Variants in ERCC6L2 observed in about 807,000 individuals in gnomAD.
The protein encoded by ERCC6L2 is ERCC excision repair 6 like 2, also known as DNA excision repair protein ERCC-6-like 2.
ERCC6L2 carries 77 observed loss-of-function variants against 132.0 expected under a neutral mutation model. The ratio of observed to expected loss-of-function variants is 0.58; its 90% CI spans 0.49 to 0.71. The LOEUF (loss-of-function observed/expected upper bound fraction) is 0.71. ERCC6L2 is among the 30% of genes least tolerant of loss of function. The probability of loss-of-function intolerance (pLI) is 0.00; values close to 1 mark genes in which losing one functional copy is unlikely to be tolerated. For synonymous variants in ERCC6L2, 583 were observed against 632.4 expected (o/e 0.92, Z 1.17); for missense variants, 1,542 against 1,837.6 (o/e 0.84, Z 2.94).
chr9:95,947,406 T>A (rs1831114543), intron 12 of ERCC6L2, among the ~76,000 whole-genome samples: 1 of 152,202 alleles, frequency 6.6e-6, no homozygotes, highest in African/African-American at 2.4e-5. Context: ...AAGAAAAGTT[T>A]GAAGCTGCAG....
intron 12 of ERCC6L2, among the ~76,000 whole-genome samples, chr9:95,951,226 T>C (rs2132949445): frequency 6.6e-6 from 1 of 152,174 alleles, no homozygotes; most frequent in South Asian, 2.1e-4. Context: ...ACAAAAGGGT[T>C]GAAGAAGAAT....
intron 18 of ERCC6L2, among the ~76,000 whole-genome samples, chr9:96,005,972 CAGAGTGG>C (rs1833849622): frequency 6.6e-6 from 1 of 152,104 alleles, no homozygotes; most frequent in Non-Finnish European, 1.5e-5. Context: ...TTTTGAGCAA[CAGAGTGG>C]AGGTACTGAA....
Position 95,955,928 on chromosome 9 carries a change from G to A in ERCC6L2, c.1862G>A (p.Gly621Glu). Residue 621 changes from glycine to glutamate, a missense_variant, in exon 13 of 19, where the codon GGA (glycine) becomes GAA (glutamate). By Grantham distance (98) the Gly-to-Glu change is moderately conservative. Coordinates refer to ENST00000653738, the MANE Select transcript of ERCC6L2 (RefSeq NM_020207.7). ...TCCTTTTACAGAGCATATAGGATTG[G>A]ACAATGTAGAGATGTCAAAGTGCTT... Reference protein sequence around the residue: ...LQAIDRAYRIGQCRDVKVLRL... With the variant: ...LQAIDRAYRIEQCRDVKVLRL... 6.2e-7 allele frequency: 1 copy of A among 1,600,132 alleles called. No homozygotes were observed. The highest frequency in any genetic ancestry group is 8.5e-7 in the Non-Finnish European group (1 of 1,173,512).
Position 95,916,233 on chromosome 9 carries a change from G to T in ERCC6L2, c.957G>T (p.Val319=), listed in dbSNP as rs1444418133. ...KELWCVMDWA[V]PGLLGSGTYF... is the part of the protein sequence containing the mutation. ...TCTTATTGTCTTTATAAAGGGCTGT[G>T]CCAGGCCTTTTAGGGAGTGGGACCT... The change falls in exon 6 of 19, where the codon GTG becomes GTT. Residue 319 remains valine (V), a synonymous_variant. Transcript: ENST00000653738. 1.2e-6 allele frequency: 2 copies of T among 1,613,746 alleles called. No individual in the cohort carries two copies. The highest frequency in any genetic ancestry group is 1.7e-6 in the Non-Finnish European group (2 of 1,179,800).
intron 12 of ERCC6L2, among the ~76,000 whole-genome samples, chr9:95,951,755 G>GA (rs148643555): frequency 0.32 from 49,120 of 151,880 alleles, 8,436 homozygotes; most frequent in African/African-American, 0.42. Context: ...TGAAGACATA[G>GA]AAACCTGAAT....
intron 17 of ERCC6L2, among the ~76,000 whole-genome samples, chr9:95,978,758 A>G (rs1832774625): frequency 6.6e-6 from 1 of 152,202 alleles, no homozygotes; most frequent in East Asian, 1.9e-4. Context: ...TTTTTAAAAA[A>G]TATTTTCTTG....
intron 12 of ERCC6L2, chr9:95,954,947 A>T: frequency 2.1e-6 from 1 of 465,340 alleles, no homozygotes; most frequent in Non-Finnish European, 4.5e-6. Flanking sequence ...GAGAACATCA[A>T]ATGTAACATA....
intron 6 of ERCC6L2, 63 bp downstream of exon 6, chr9:95,916,497 A>C: frequency 7.4e-7 from 1 of 1,345,976 alleles, no homozygotes. Context: ...CTTTTTAAGA[A>C]AAAGTCTGTC....
At chr9:95,880,732 C>A in intron 1 of ERCC6L2, 137 bp from the exon 2 acceptor site, 1 of 644,116 alleles carries the variant, frequency 1.6e-6, no homozygotes, top group Non-Finnish European at 2.6e-6. Context: ...AATATCTATA[C>A]ATGTTAGAAT....
chr9:96,028,252 C>G (rs1834409259), intron 19 of ERCC6L2, among the ~76,000 whole-genome samples: 1 of 152,056 alleles, frequency 6.6e-6, no homozygotes, highest in Non-Finnish European at 1.5e-5. Context: ...CCCCTCTGTT[C>G]ACTTGGCTTT....
chr9:95,957,870 G>GT (rs1160020276), intron 13 of ERCC6L2, among the ~76,000 whole-genome samples: 142 of 147,690 alleles, frequency 9.6e-4, no homozygotes, highest in African/African-American at 3.5e-3. Context: ...CAAAAATTAT[G>GT]TTTTTGTTTT....
At position 95,966,677 on chromosome 9, in the gene ERCC6L2, G is replaced by A; in HGVS notation, c.2063G>A (p.Arg688Lys). 1.3e-6 allele frequency: 2 copies of A among 1,504,274 alleles called. No homozygotes were observed. The highest frequency in any genetic ancestry group is 2.3e-5 in the East Asian group (1 of 43,106). The allele number at this position is 1,504,274 out of a possible 1,614,324, so 93.2% of individuals were successfully genotyped here. Residue 688 changes from arginine (R) to lysine (K), a missense_variant, in exon 14 of 19, where the codon AGG (arginine) becomes AAG (lysine). This residue lies in a region of ERCC6L2 where 945 missense variants were observed against 1,105.2 expected (regional missense o/e 0.86). Transcript: ENST00000653738. The part of the protein sequence containing the change: ...LFGIHNLFKF[R>K]SQGSCLTKDI... ...GGGATCCATAACCTCTTCAAATTTAGGTCCCAAGGGTCTTGTCTTACGAAG... is the reference window on the plus strand; with the variant it reads ...GGGATCCATAACCTCTTCAAATTTAAGTCCCAAGGGTCTTGTCTTACGAAG...
At chr9:95,901,969 T>A (rs1174795038) in intron 3 of ERCC6L2, among the ~76,000 whole-genome samples, 1 of 152,224 alleles carries the variant, frequency 6.6e-6, no homozygotes, top group Non-Finnish European at 1.5e-5. Context: ...ATCATTTCTT[T>A]TGTATTTATT....
At chr9:96,003,242 CCTT>C (rs1428774475) in intron 17 of ERCC6L2, among the ~76,000 whole-genome samples, 3 of 152,212 alleles carry the variant, frequency 2.0e-5, no homozygotes, top group Admixed American at 1.3e-4. Context: ...TGTCTGAACT[CCTT>C]CTGTTTTCAT....
At chr9:95,899,629 T>TGC (rs1554739109) in intron 3 of ERCC6L2, among the ~76,000 whole-genome samples, 1 of 135,998 alleles carries the variant, frequency 7.4e-6, no homozygotes, top group Non-Finnish European at 1.6e-5. Flanking sequence ...TGTGTGTGTG[T>TGC]GTGCGTATGT....
At chr9:96,039,037 A>C in exon 20 of ERCC6L2, 1 of 423,000 alleles carries the variant, frequency 2.4e-6, no homozygotes, top group Non-Finnish European at 4.7e-6. Flanking sequence ...CAGCCCCAAC[A>C]CACGCAGATG....
intron 4 of ERCC6L2, among the ~76,000 whole-genome samples, chr9:95,912,514 C>T (rs1391209821): frequency 6.6e-6 from 1 of 152,138 alleles, no homozygotes; most frequent in South Asian, 2.1e-4. Flanking sequence ...TTGCATAAAA[C>T]ATGACATCCT....
chr9:95,985,535 T>C (rs1021884412), intron 17 of ERCC6L2, among the ~76,000 whole-genome samples: 1 of 152,222 alleles, frequency 6.6e-6, no homozygotes, highest in African/African-American at 2.4e-5. Flanking sequence ...GCCATAATGC[T>C]GGTATAGGAA....
chr9:95,917,201 A>G (rs12554489), intron 6 of ERCC6L2, among the ~76,000 whole-genome samples: 4,612 of 152,352 alleles, frequency 0.03, 89 homozygotes, highest in Non-Finnish European at 0.045. Flanking sequence ...TTGCAGTTAC[A>G]CAACTAACCT....
Sources: allele counts gnomAD v4.1 joint callset (sites outside exome capture counted in the v4.1 genomes callset), GRCh38; gene constraint gnomAD v4.1.1; regional missense constraint gnomAD v4.1.1; transcripts MANE v1.5; gene names NCBI Gene and HGNC (gene_info 2026-07-23, HGNC 2026-07-21).